Variants in HEMK2 observed in about 807,000 individuals in gnomAD.
HEMK2 encodes HemK methyltransferase 2, ETF1 glutamine and histone H4 lysine, also known as methyltransferase HEMK2.
the HEMK2 span, among the ~76,000 whole-genome samples, chr21:28,769,083 T>C: frequency 2.0e-5 from 3 of 152,192 alleles, no homozygotes; most frequent in East Asian, 1.9e-4. Context: ...TATTTTGTTA[T>C]AGCAGCCCTG....
the HEMK2 span, among the ~76,000 whole-genome samples, chr21:28,666,344 T>C: frequency 2.6e-5 from 4 of 152,250 alleles, no homozygotes; most frequent in African/African-American, 4.8e-5. Flanking sequence ...GCAGTATACA[T>C]TTAAGATTCT....
chr21:28,831,319 G>T, the HEMK2 span, among the ~76,000 whole-genome samples: 2 of 150,716 alleles, frequency 1.3e-5, no homozygotes, highest in Non-Finnish European at 3.0e-5. Flanking sequence ...GGTAGCGGGC[G>T]CCTGTAATCC....
chr21:28,690,095 G>C, the HEMK2 span, among the ~76,000 whole-genome samples: 1 of 152,082 alleles, frequency 6.6e-6, no homozygotes. Context: ...TTGTGTAGGG[G>C]AACTCCCATT....
the HEMK2 span, among the ~76,000 whole-genome samples, chr21:28,783,048 G>T: frequency 6.6e-6 from 1 of 152,102 alleles, no homozygotes; most frequent in South Asian, 2.1e-4. Context: ...AAATGCTTGG[G>T]AACAGAAGTA....
the HEMK2 span, among the ~76,000 whole-genome samples, chr21:28,702,167 T>A: frequency 6.6e-6 from 1 of 152,074 alleles, no homozygotes; most frequent in East Asian, 1.9e-4. Flanking sequence ...TATTACCATA[T>A]ACAAAAACCA....
chr21:28,735,588 A>T, the HEMK2 span, among the ~76,000 whole-genome samples: 1 of 152,186 alleles, frequency 6.6e-6, no homozygotes, highest in Admixed American at 6.5e-5. Context: ...ACTCAGAAGT[A>T]AAAAGAGACA....
the HEMK2 span, among the ~76,000 whole-genome samples, chr21:28,758,670 T>C: frequency 1.6e-4 from 24 of 152,186 alleles, no homozygotes; most frequent in Admixed American, 4.6e-4. Context: ...CTTAATAATA[T>C]GTGTGTTGCA....
chr21:28,845,587 T>A, the HEMK2 span, among the ~76,000 whole-genome samples: 6 of 152,276 alleles, frequency 3.9e-5, no homozygotes, highest in East Asian at 1.2e-3. Context: ...TCAAATCTTA[T>A]TTTCTTTCAG....
At chr21:28,668,660 T>A in the HEMK2 span, among the ~76,000 whole-genome samples, 1 of 152,186 alleles carries the variant, frequency 6.6e-6, no homozygotes, top group East Asian at 1.9e-4. Flanking sequence ...GGGCAGTATT[T>A]GCTGAACAAT....
chr21:28,630,092 G>A, the HEMK2 span, among the ~76,000 whole-genome samples: 4 of 152,058 alleles, frequency 2.6e-5, no homozygotes, highest in Admixed American at 6.5e-5. Flanking sequence ...ACATCTTAAT[G>A]CCACAATGTT....
chr21:28,880,644 G>A, the HEMK2 span, among the ~76,000 whole-genome samples: 2 of 151,936 alleles, frequency 1.3e-5, no homozygotes, highest in Non-Finnish European at 2.9e-5. Context: ...TGGGGAGGCT[G>A]AGGCAGGATA....
chr21:28,733,489 C>T, the HEMK2 span, among the ~76,000 whole-genome samples: 1 of 152,186 alleles, frequency 6.6e-6, no homozygotes, highest in African/African-American at 2.4e-5. Context: ...CTGGGACATA[C>T]ACGCAGGTCT....
chr21:28,689,735 T>C, the HEMK2 span, among the ~76,000 whole-genome samples: 1 of 152,158 alleles, frequency 6.6e-6, no homozygotes, highest in Non-Finnish European at 1.5e-5. Flanking sequence ...AGGGAGCTTA[T>C]CCTGTATTCT....
chr21:28,877,102 ACGC>A, the HEMK2 span, among the ~76,000 whole-genome samples: 1 of 131,948 alleles, frequency 7.6e-6, no homozygotes, highest in Non-Finnish European at 1.6e-5. Flanking sequence ...AAAGGAAAGG[ACGC>A]ATGGATGGAC....
the HEMK2 span, among the ~76,000 whole-genome samples, chr21:28,595,003 T>C: frequency 6.6e-4 from 100 of 152,360 alleles, no homozygotes; most frequent in East Asian, 0.017. Context: ...CAATATATTT[T>C]TAAAAGCTAT....
At chr21:28,773,569 T>C in the HEMK2 span, among the ~76,000 whole-genome samples, 359 of 152,278 alleles carry the variant, frequency 2.4e-3, 3 homozygotes, top group African/African-American at 8.0e-3. Context: ...AAGTAGTTTG[T>C]TTCCAAGAGA....
chr21:28,705,710 C>T, the HEMK2 span, among the ~76,000 whole-genome samples: 1 of 152,136 alleles, frequency 6.6e-6, no homozygotes, highest in African/African-American at 2.4e-5. Context: ...AAGGCTCTCG[C>T]TGGGCCAAAA....
At chr21:28,716,184 G>GT in the HEMK2 span, among the ~76,000 whole-genome samples, 3 of 152,084 alleles carry the variant, frequency 2.0e-5, no homozygotes, top group Non-Finnish European at 2.9e-5. Context: ...TATGTTGATA[G>GT]TTTGATAGGA....
At chr21:28,690,599 T>C in the HEMK2 span, among the ~76,000 whole-genome samples, 7 of 152,114 alleles carry the variant, frequency 4.6e-5, no homozygotes, top group African/African-American at 1.4e-4. Context: ...AACCAAGAAG[T>C]AGAGCTTTGC....
Sources: allele counts gnomAD v4.1 joint callset (sites outside exome capture counted in the v4.1 genomes callset), GRCh38; gene constraint gnomAD v4.1.1; transcripts MANE v1.5; gene names NCBI Gene and HGNC (gene_info 2026-07-23, HGNC 2026-07-21).